KLF12: variants seen among roughly 807,000 people sequenced by gnomAD.
KLF12 encodes KLF transcription factor 12.
A neutral mutation model predicts 37.8 loss-of-function variants in KLF12; 9 were observed. That is an observed-to-expected ratio of 0.24 (90% CI 0.14 to 0.42). The LOEUF is 0.42. Ranked by LOEUF, KLF12 falls within the 10% of genes least tolerant of loss-of-function variation. The pLI, the probability that KLF12 is intolerant of heterozygous loss-of-function variation, is 1.00. For synonymous variants in KLF12, 208 were observed against 202.1 expected, an observed-to-expected ratio of 1.03 and a Z score of -0.25; for missense variants, 411 against 516.0, an observed-to-expected ratio of 0.80 and a Z score of 1.97.
the KLF12 span, among the ~76,000 whole-genome samples, chr13:74,223,751 C>A: frequency 3.9e-5 from 6 of 152,242 alleles, no homozygotes; most frequent in Admixed American, 3.9e-4. Context: ...TTTCTTTCAA[C>A]TTTGGAGTTT....
chr13:73,972,308 G>A (rs1485429864), intron 2 of KLF12, among the ~76,000 whole-genome samples: 7 of 152,034 alleles, frequency 4.6e-5, no homozygotes, highest in Non-Finnish European at 1.0e-4. Flanking sequence ...CATTTTCACT[G>A]TAAGTGTTCC....
upstream of KLF12, among the ~76,000 whole-genome samples, chr13:74,136,687 A>G (rs557637350): frequency 6.6e-6 from 1 of 152,274 alleles, no homozygotes; most frequent in South Asian, 2.1e-4. Context: ...GTGATGAAAG[A>G]TAGAAAACAA....
At chr13:73,785,771 T>G (rs970249033) in intron 5 of KLF12, among the ~76,000 whole-genome samples, 11 of 152,182 alleles carry the variant, frequency 7.2e-5, no homozygotes, top group Non-Finnish European at 1.3e-4. Flanking sequence ...GCAATCCCTC[T>G]AAAGGAGGTG....
At chr13:74,193,892 T>C in the KLF12 span, among the ~76,000 whole-genome samples, 1 of 152,206 alleles carries the variant, frequency 6.6e-6, no homozygotes, top group Non-Finnish European at 1.5e-5. Context: ...AACAGAAATG[T>C]ATATTTATGT....
chr13:73,928,644 AAAT>A (rs1350866153), intron 3 of KLF12, among the ~76,000 whole-genome samples: 2 of 152,222 alleles, frequency 1.3e-5, no homozygotes, highest in African/African-American at 4.8e-5. Flanking sequence ...AAACATGATA[AAAT>A]AATGAGAATA....
chr13:74,256,263 A>G, the KLF12 span, among the ~76,000 whole-genome samples: 1 of 152,196 alleles, frequency 6.6e-6, no homozygotes. Context: ...CCAGAGGATA[A>G]AAACAATAAA....
chr13:73,982,234 A>G (rs1377309226), intron 2 of KLF12, among the ~76,000 whole-genome samples: 1 of 152,254 alleles, frequency 6.6e-6, no homozygotes, highest in African/African-American at 2.4e-5. Flanking sequence ...TTTTTAAGGC[A>G]TGAATAGAAA....
chr13:73,777,534 C>A (rs987196752), intron 5 of KLF12, among the ~76,000 whole-genome samples: 3 of 150,998 alleles, frequency 2.0e-5, no homozygotes, highest in African/African-American at 7.3e-5. Flanking sequence ...CATGGAGAAA[C>A]CCTGTCTCTA....
the KLF12 span, among the ~76,000 whole-genome samples, chr13:74,174,396 G>A: frequency 5.4e-5 from 8 of 147,816 alleles, no homozygotes; most frequent in Middle Eastern, 3.5e-3. Flanking sequence ...GCAGTGGCGC[G>A]AACTCGGGCT....
intron 1 of KLF12, among the ~76,000 whole-genome samples, chr13:74,002,474 C>G (rs1344016409): frequency 3.9e-5 from 6 of 152,204 alleles, no homozygotes; most frequent in African/African-American, 1.4e-4. Context: ...ACCCCAGACT[C>G]AGGTGATCCT....
chr13:74,208,361 T>A, the KLF12 span, among the ~76,000 whole-genome samples: 11 of 152,310 alleles, frequency 7.2e-5, no homozygotes, highest in East Asian at 2.1e-3. Context: ...CTTCAAGGAT[T>A]TGAGCTTTTT....
intron 1 of KLF12, among the ~76,000 whole-genome samples, chr13:74,036,776 T>C (rs138959897): frequency 3.3e-5 from 5 of 152,306 alleles, no homozygotes; most frequent in African/African-American, 9.6e-5. Flanking sequence ...TGTGAAAGAA[T>C]AAGACAGGGA....
intron 3 of KLF12, among the ~76,000 whole-genome samples, chr13:73,936,549 A>G (rs1047364473): frequency 1.3e-5 from 2 of 152,130 alleles, no homozygotes; most frequent in African/African-American, 4.8e-5. Context: ...GGAGATCTCC[A>G]GAGCTCTCTC....
At chr13:73,917,267 T>TA (rs1888891955) in intron 3 of KLF12, among the ~76,000 whole-genome samples, 1 of 152,184 alleles carries the variant, frequency 6.6e-6, no homozygotes, top group Non-Finnish European at 1.5e-5. Flanking sequence ...GACAGGCACT[T>TA]ACTATACTAA....
chr13:74,117,687 T>C (rs971507946), intron 1 of KLF12, among the ~76,000 whole-genome samples: 2 of 152,172 alleles, frequency 1.3e-5, no homozygotes, highest in Non-Finnish European at 2.9e-5. Flanking sequence ...CATGATATGA[T>C]ACAATGATAC....
At chr13:73,769,870 A>T (rs1880157983) in intron 5 of KLF12, among the ~76,000 whole-genome samples, 1 of 151,792 alleles carries the variant, frequency 6.6e-6, no homozygotes, top group Non-Finnish European at 1.5e-5. Flanking sequence ...AGAATAAATG[A>T]TTATTCCACA....
intron 5 of KLF12, among the ~76,000 whole-genome samples, chr13:73,802,854 G>C (rs1882352427): frequency 6.6e-6 from 1 of 152,082 alleles, no homozygotes; most frequent in African/African-American, 2.4e-5. Context: ...TATGTACCAG[G>C]ATAAAACTCA....
chr13:74,092,618 TCAAAAAACAAAAAAA>T (rs1875740855), intron 1 of KLF12, among the ~76,000 whole-genome samples: 1 of 146,870 alleles, frequency 6.8e-6, no homozygotes. Flanking sequence ...AGACTCCAAC[TCAAAAAACAAAAAAA>T]CAAAAAACAA....
intron 3 of KLF12, among the ~76,000 whole-genome samples, chr13:73,911,951 A>G (rs1888589467): frequency 6.6e-6 from 1 of 152,244 alleles, no homozygotes; most frequent in Non-Finnish European, 1.5e-5. Context: ...AATGATTTAG[A>G]ATAGGATGTG....
Sources: gnomAD v4.1 joint callset for allele counts (sites outside exome capture counted in the v4.1 genomes callset) on GRCh38, gnomAD v4.1.1 for gene constraint, MANE v1.5 for transcripts, NCBI Gene and HGNC (gene_info 2026-07-23, HGNC 2026-07-21) for gene names.